TSPAN5: variants seen among roughly 807,000 people sequenced by gnomAD.
TSPAN5 encodes tetraspanin-5.
Under a neutral mutation model 37.1 loss-of-function variants are expected in TSPAN5, and 10 were observed. That is an observed-to-expected ratio of 0.27 (90% CI 0.17 to 0.46). TSPAN5 has a LOEUF of 0.46. Among genes scored for constraint, TSPAN5 ranks in the 20% least tolerant of loss-of-function variants. TSPAN5 has a pLI of 1.00. For missense variants in TSPAN5, 195 were observed against 326.6 expected (o/e 0.60, Z 3.11); for synonymous variants, 110 against 118.9 (o/e 0.93, Z 0.48).
At chr4:98,566,648 C>T (rs1241389216) in intron 1 of TSPAN5, among the ~76,000 whole-genome samples, 1 of 152,182 alleles carries the variant, frequency 6.6e-6, no homozygotes, top group Non-Finnish European at 1.5e-5. Flanking sequence ...CTTGTTTTCT[C>T]CCGCCTGATG....
At chr4:98,615,324 C>G (rs942721093) in intron 1 of TSPAN5, among the ~76,000 whole-genome samples, 10 of 152,196 alleles carry the variant, frequency 6.6e-5, no homozygotes, top group Non-Finnish European at 1.2e-4. Context: ...AATGACAATA[C>G]AGTACTTTTC....
intron 2 of TSPAN5, among the ~76,000 whole-genome samples, chr4:98,488,097 A>G (rs373770277): frequency 3.9e-5 from 6 of 152,206 alleles, no homozygotes; most frequent in African/African-American, 9.6e-5. Context: ...ACAGGAAGCA[A>G]TCATCTGATT....
intron 1 of TSPAN5, among the ~76,000 whole-genome samples, chr4:98,550,396 T>G (rs1361736719): frequency 6.6e-6 from 1 of 152,162 alleles, no homozygotes; most frequent in Non-Finnish European, 1.5e-5. Flanking sequence ...ATTTTAGGAT[T>G]GGGTTTTTTA....
Position 98,486,640 on chromosome 4 carries a change from T to C in TSPAN5, c.279+98A>G, listed in dbSNP as rs1752965051. 4.8e-6 allele frequency: 7 copies of C among 1,449,668 alleles called. No individual in the cohort carries two copies. The South Asian group carries it at 7.0e-5, about 14-fold the overall frequency. The allele number at this position is 1,449,668 out of a possible 1,614,324, so 89.8% of individuals were successfully genotyped here. A position where few individuals can be genotyped will look rare whatever the true frequency, so the allele number is the denominator to read the frequency against. On this transcript the variant is annotated intron_variant, in intron 3 of 7. Coordinates refer to ENST00000305798, the MANE Select transcript of TSPAN5 (RefSeq NM_005723.4). ...CCTGGGCCCTACTTTGGCCAGTGCC[T>C]TTGGTACAGCTCACTGTCTTGCCTG...
chr4:98,603,362 G>A (rs1358845629), intron 1 of TSPAN5, among the ~76,000 whole-genome samples: 1 of 152,178 alleles, frequency 6.6e-6, no homozygotes, highest in African/African-American at 2.4e-5. Flanking sequence ...TGTTCATGAT[G>A]TTGCTAAAGG....
At chr4:98,548,739 C>T (rs1754528745) in intron 1 of TSPAN5, among the ~76,000 whole-genome samples, 1 of 152,126 alleles carries the variant, frequency 6.6e-6, no homozygotes, top group South Asian at 2.1e-4. Flanking sequence ...GTGTACCCAT[C>T]ATTTGGCCCC....
intron 1 of TSPAN5, among the ~76,000 whole-genome samples, chr4:98,587,895 GCAA>G (rs147808702): frequency 0.15 from 22,654 of 151,342 alleles, 2,083 homozygotes; most frequent in African/African-American, 0.27. Flanking sequence ...CTCAAAAACA[GCAA>G]CAACAACAAC....
chr4:98,480,041 A>T (rs1026647156), intron 4 of TSPAN5, among the ~76,000 whole-genome samples: 4 of 152,156 alleles, frequency 2.6e-5, no homozygotes, highest in African/African-American at 7.2e-5. Flanking sequence ...CGTGACCAGA[A>T]GGCGGTGACC....
chr4:98,538,853 A>C (rs1242989779), intron 1 of TSPAN5, among the ~76,000 whole-genome samples: 2 of 152,174 alleles, frequency 1.3e-5, no homozygotes, highest in Non-Finnish European at 2.9e-5. Context: ...AATTCACTCA[A>C]ATTTATTTGA....
intron 1 of TSPAN5, among the ~76,000 whole-genome samples, chr4:98,586,846 T>C (rs1178946578): frequency 1.3e-5 from 2 of 152,170 alleles, no homozygotes; most frequent in Admixed American, 1.3e-4. Flanking sequence ...AGAGTTAGAG[T>C]TCCCATTCTC....
chr4:98,654,425 C>T (rs376560602), intron 1 of TSPAN5, among the ~76,000 whole-genome samples: 4 of 152,162 alleles, frequency 2.6e-5, no homozygotes, highest in Admixed American at 6.5e-5. Flanking sequence ...ATGTGGTGTT[C>T]GGTACCCCAA....
At chr4:98,558,222 C>T (rs1335182701) in intron 1 of TSPAN5, among the ~76,000 whole-genome samples, 1 of 150,036 alleles carries the variant, frequency 6.7e-6, no homozygotes, top group Non-Finnish European at 1.5e-5. Flanking sequence ...AATGTATGTT[C>T]GAATGCTCAT....
chr4:98,631,476 C>T (rs1460225409), intron 1 of TSPAN5, among the ~76,000 whole-genome samples: 1 of 149,102 alleles, frequency 6.7e-6, no homozygotes, highest in Non-Finnish European at 1.5e-5. Flanking sequence ...AGCACTCGAT[C>T]TTTTTTTTTT....
At chr4:98,542,338 G>A (rs1426363546) in intron 1 of TSPAN5, among the ~76,000 whole-genome samples, 2 of 152,152 alleles carry the variant, frequency 1.3e-5, no homozygotes, top group Admixed American at 1.3e-4. Context: ...TGCATACTGT[G>A]CAAGCATTAT....
At chr4:98,616,362 C>T (rs926771209) in intron 1 of TSPAN5, among the ~76,000 whole-genome samples, 5 of 152,238 alleles carry the variant, frequency 3.3e-5, no homozygotes, top group Admixed American at 6.5e-5. Flanking sequence ...AGGAAACCCA[C>T]GGCTCCTGGA....
At chr4:98,543,074 C>T (rs1281521459) in intron 1 of TSPAN5, among the ~76,000 whole-genome samples, 1 of 152,022 alleles carries the variant, frequency 6.6e-6, no homozygotes, top group Non-Finnish European at 1.5e-5. Flanking sequence ...GCACACAGCA[C>T]GAGCAGGGAA....
At chr4:98,536,388 G>A (rs1754233495) in intron 1 of TSPAN5, among the ~76,000 whole-genome samples, 1 of 152,192 alleles carries the variant, frequency 6.6e-6, no homozygotes, top group African/African-American at 2.4e-5. Flanking sequence ...TTGTCCCAGA[G>A]GAGCACCTGC....
chr4:98,541,646 G>A (rs542399497), intron 1 of TSPAN5, among the ~76,000 whole-genome samples: 13 of 139,668 alleles, frequency 9.3e-5, no homozygotes, highest in African/African-American at 3.5e-4. Flanking sequence ...CTACACTCCA[G>A]CCTGGGTGAC....
intron 7 of TSPAN5, among the ~76,000 whole-genome samples, chr4:98,473,652 G>T (rs1398565015): frequency 6.6e-6 from 1 of 152,006 alleles, no homozygotes; most frequent in Non-Finnish European, 1.5e-5. Context: ...GTAGAGACGG[G>T]GTTTCACCTT....
Sources: gnomAD v4.1 joint callset for allele counts (sites outside exome capture counted in the v4.1 genomes callset) on GRCh38, gnomAD v4.1.1 for gene constraint, MANE v1.5 for transcripts, NCBI Gene and HGNC (gene_info 2026-07-23, HGNC 2026-07-21) for gene names.